The following PTPRF variants were observed in gnomAD, a reference collection of about 807,000 sequenced individuals.
PTPRF encodes protein tyrosine phosphatase receptor type F, also known as receptor-type tyrosine-protein phosphatase F.
PTPRF carries 59 observed loss-of-function variants against 201.8 expected under a neutral mutation model. The ratio of observed to expected loss-of-function variants is 0.29; its 90% CI spans 0.24 to 0.36. The LOEUF (loss-of-function observed/expected upper bound fraction) is 0.36. Among genes scored for constraint, PTPRF ranks in the 10% least tolerant of loss-of-function variants. The pLI, the probability that PTPRF is intolerant of heterozygous loss-of-function variation, is 1.00. For synonymous variants in PTPRF, 1,088 were observed against 1,089.7 expected, an observed-to-expected ratio of 1.00 and a Z score of 0.03; for missense variants, 2,132 against 2,690.5, an observed-to-expected ratio of 0.79 and a Z score of 4.59.
chr1:43,545,369 C>T (rs566546362), intron 3 of PTPRF, among the ~76,000 whole-genome samples: 1 of 152,262 alleles, frequency 6.6e-6, no homozygotes, highest in African/African-American at 2.4e-5. Context: ...TCTTTAGGCA[C>T]CAGAGCGGGG....
At chr1:43,617,639 C>T in intron 24 of PTPRF, 71 bp downstream of exon 24, 10 of 1,607,028 alleles carry the variant, frequency 6.2e-6, no homozygotes, top group Non-Finnish European at 7.7e-6. Flanking sequence ...TGTCATTCTA[C>T]AGAGGATGTC....
At chr1:43,587,033 C>T (rs1649334119) in intron 7 of PTPRF, among the ~76,000 whole-genome samples, 1 of 152,210 alleles carries the variant, frequency 6.6e-6, no homozygotes, top group Non-Finnish European at 1.5e-5. Flanking sequence ...CCTGGGGACA[C>T]AGATCCAGCC....
chr1:43,616,638 T>TGA (rs1036800843), intron 23 of PTPRF, among the ~76,000 whole-genome samples: 2 of 151,554 alleles, frequency 1.3e-5, no homozygotes, highest in African/African-American at 2.4e-5. Flanking sequence ...CACTGAGGGG[T>TGA]GAGGGTGCCT....
In PTPRF at chr1:43,591,334, G is replaced by A. The variant is rs931536811; in HGVS notation, c.1312G>A (p.Glu438Lys). 1.3e-6 allele frequency: 2 copies of A among 1,552,296 alleles called. No homozygotes were observed. Among genetic ancestry groups the A allele is most frequent in the East Asian group, 2.4e-5 (1 of 41,072 alleles). The change falls in exon 9 of 34, where the codon GAG (glutamate) becomes AAG (lysine). Residue 438 changes from glutamate to lysine, a missense_variant. Glu to Lys is a moderately conservative substitution (Grantham distance 56, BLOSUM62 1). This residue lies in a region of PTPRF where 351 missense variants were observed against 401.7 expected (regional missense o/e 0.87). Coordinates refer to ENST00000359947, the MANE Select transcript of PTPRF (RefSeq NM_002840.5). ...STMLVQWEPP[E>K]EPNGLVRGYR... is the part of the protein sequence containing the mutation. ...CATGCTGGTGCAGTGGGAGCCTCCC[G>A]AGGAGCCCAACGGCCTGGTGCGGGG... is the stretch of plus-strand genomic sequence containing the variant.
chr1:43,586,651 T>TA (rs1262119847), intron 7 of PTPRF, among the ~76,000 whole-genome samples: 2 of 152,176 alleles, frequency 1.3e-5, no homozygotes, highest in African/African-American at 4.8e-5. Context: ...CTGAAAAGTG[T>TA]AGTAGATTTG....
In PTPRF at chr1:43,605,223, G is replaced by A. The variant is rs764039671; in HGVS notation, c.3169G>A (p.Gly1057Arg). 6.9e-6 allele frequency: 11 copies of A among 1,604,836 alleles called. No homozygotes were observed. Among genetic ancestry groups the A allele is most frequent in the Middle Eastern group, 1.6e-4 (1 of 6,062 alleles). The stretch of plus-strand genomic sequence containing the variant: ...CAATGGGCAGAGTGTGGAGGTGGAC[G>A]GGCACTCGATGCGGAAGCTGATCGC... ...LYNGQSVEVDGHSMRKLIADL... is the reference protein window; with the variant it reads ...LYNGQSVEVDRHSMRKLIADL... The change falls in exon 18 of 34, where the codon GGG becomes AGG. Residue 1057 changes from glycine (G) to arginine (R), a missense_variant. Around this residue, in one of 6 missense-constraint regions of PTPRF, gnomAD observed 818 missense variants for 915.3 expected, o/e 0.89. Transcript: ENST00000359947.
rs1470155270 is a variant in PTPRF at position 43,605,457 on chromosome 1, G to A, written c.3389+14G>A. On this transcript the variant is annotated intron_variant, in intron 18 of 33. Transcript: ENST00000359947. The stretch of plus-strand genomic sequence containing the variant: ...CTCGCTTGTCAGGTGTGCACACGAG[G>A]TATCGGGGGAGGCGGGGCAGGGCTG... The A allele has an allele frequency of 6.2e-7, 1 of 1,610,712 alleles. No individual in the cohort carries two copies. Among genetic ancestry groups the A allele is most frequent in the African/African-American group, 1.3e-5 (1 of 74,872 alleles).
At chr1:43,580,551 C>T (rs895777492) in intron 7 of PTPRF, among the ~76,000 whole-genome samples, 2 of 152,190 alleles carry the variant, frequency 1.3e-5, no homozygotes, top group African/African-American at 4.8e-5. Flanking sequence ...TGTCTGTCTT[C>T]AGGAACAAGA....
intron 1 of PTPRF, among the ~76,000 whole-genome samples, chr1:43,533,727 A>G (rs1274288291): frequency 6.6e-6 from 1 of 152,108 alleles, no homozygotes; most frequent in Non-Finnish European, 1.5e-5. Context: ...TGTGACTGAC[A>G]CTGCTGTGTG....
intron 6 of PTPRF, among the ~76,000 whole-genome samples, chr1:43,570,709 C>T (rs929045064): frequency 1.3e-5 from 2 of 152,244 alleles, no homozygotes; most frequent in African/African-American, 4.8e-5. Flanking sequence ...CCCTTGGTGC[C>T]CAGCAGGAGG....
chr1:43,568,138 A>C (rs1044907719), intron 5 of PTPRF, among the ~76,000 whole-genome samples: 2 of 152,082 alleles, frequency 1.3e-5, no homozygotes, highest in African/African-American at 4.8e-5. Context: ...TCTACTAAAA[A>C]TACAAAATTT....
At chr1:43,620,728 G>T (rs1659019504) in intron 31 of PTPRF, 110 bp from the exon 32 acceptor site, 31 of 1,524,582 alleles carry the variant, frequency 2.0e-5, no homozygotes, top group Non-Finnish European at 2.5e-5. Context: ...GTGGCCTCGG[G>T]TGCAGTGACA....
chr1:43,620,789 G>T, intron 31 of PTPRF, 49 bp from the exon 32 acceptor site: 1 of 1,581,424 alleles, frequency 6.3e-7, no homozygotes, highest in Non-Finnish European at 8.6e-7. Context: ...CAGAGGGGTG[G>T]CTGCCTAAGG....
Position 43,613,658 on chromosome 1 carries a change from G to A in PTPRF, c.4014G>A (p.Ala1338=), listed in dbSNP as rs766966563. 2.2e-5 allele frequency: 36 copies of A among 1,614,174 alleles called. No homozygotes were observed. The African/African-American group carries it at 3.3e-4, about 15-fold the overall frequency. ...CACCCATCCCCATCACCGACCTGGC[G>A]GACAACATCGAGCGCCTCAAAGCCA... ...DHPPIPITDL[A]DNIERLKAND... The change falls in exon 23 of 34, where the codon GCG becomes GCA. Residue 1338 remains alanine, a synonymous_variant. Coordinates refer to ENST00000359947, the MANE Select transcript of PTPRF (RefSeq NM_002840.5).
At chr1:43,605,713 G>T in intron 19 of PTPRF, 91 bp downstream of exon 19, 1 of 1,229,068 alleles carries the variant, frequency 8.1e-7, no homozygotes, top group Admixed American at 1.9e-5. Flanking sequence ...GTGACTCTCA[G>T]ATTCACTCCC....
intron 7 of PTPRF, among the ~76,000 whole-genome samples, chr1:43,582,804 C>G (rs759753773): frequency 1.6e-4 from 25 of 152,202 alleles, no homozygotes; most frequent in Non-Finnish European, 3.2e-4. Context: ...TCACCTGCCC[C>G]GGCCCCACCC....
chr1:43,570,989 G>A (rs908038709), intron 6 of PTPRF, among the ~76,000 whole-genome samples: 1 of 152,168 alleles, frequency 6.6e-6, no homozygotes, highest in Non-Finnish European at 1.5e-5. Context: ...GCAGCCAGAC[G>A]CTCCTCCCTG....
chr1:43,604,702 C>T (rs1221092451), intron 16 of PTPRF, among the ~76,000 whole-genome samples: 2 of 152,206 alleles, frequency 1.3e-5, no homozygotes, highest in African/African-American at 2.4e-5. Context: ...GTTTGGTGCT[C>T]ACTGTGGAAG....
In PTPRF at chr1:43,606,304, T is replaced by G; in HGVS notation, c.3548T>G (p.Leu1183Arg). 5 of 1,614,094 alleles carry G rather than the reference T, an allele frequency of 3.1e-6. No homozygotes were observed. The highest frequency in any genetic ancestry group is 4.2e-6 in the Non-Finnish European group (5 of 1,180,020). ...QRRRRRQAER[L>R]KPYVAAQLDV... Reference sequence around the variant, plus strand: ...CGGCGGCGGCGGCAGGCAGAACGTCTGAAGCCATATGTGGCTGCTCAACTG... The same window carrying G: ...CGGCGGCGGCGGCAGGCAGAACGTCGGAAGCCATATGTGGCTGCTCAACTG... Residue 1183 changes from leucine to arginine, a missense_variant, in exon 20 of 34, where the codon CTG becomes CGG. This residue lies in a region of PTPRF where 818 missense variants were observed against 915.3 expected (regional missense o/e 0.89). Coordinates refer to ENST00000359947, the MANE Select transcript of PTPRF (RefSeq NM_002840.5).
Sources: gnomAD v4.1 joint callset for allele counts (sites outside exome capture counted in the v4.1 genomes callset) on GRCh38, gnomAD v4.1.1 for gene constraint, gnomAD v4.1.1 regional missense constraint, MANE v1.5 for transcripts, NCBI Gene and HGNC (gene_info 2026-07-23, HGNC 2026-07-21) for gene names.